The following LAMA2 variants were observed in gnomAD, a reference collection of about 807,000 sequenced individuals.
LAMA2 encodes laminin subunit alpha 2, also known as laminin subunit alpha-2.
Under a neutral mutation model 364.8 loss-of-function variants are expected in LAMA2, and 269 were observed. The ratio of observed to expected loss-of-function variants is 0.74; its 90% CI spans 0.67 to 0.82. LAMA2 has a LOEUF of 0.82. Among genes scored for constraint, LAMA2 ranks in the 40% least tolerant of loss-of-function variants. The probability of loss-of-function intolerance (pLI) is 0.00; values close to 1 mark genes in which losing one functional copy is unlikely to be tolerated. For missense variants in LAMA2, 3,807 were observed against 3,873.2 expected (o/e 0.98, Z 0.45); for synonymous variants, 1,379 against 1,370.6 (o/e 1.01, Z -0.14).
At chr6:129,143,092 C>A (rs1271746583) in intron 4 of LAMA2, among the ~76,000 whole-genome samples, 1 of 151,926 alleles carries the variant, frequency 6.6e-6, no homozygotes, top group Non-Finnish European at 1.5e-5. Context: ...CCTGTGAGAG[C>A]CTGCCAGCCT....
At chr6:128,967,200 G>T (rs941162836) in intron 1 of LAMA2, among the ~76,000 whole-genome samples, 3 of 152,144 alleles carry the variant, frequency 2.0e-5, no homozygotes, top group Non-Finnish European at 4.4e-5. Context: ...GCCCAGCAGG[G>T]TTTGTTCAAC....
intron 13 of LAMA2, among the ~76,000 whole-genome samples, chr6:129,250,881 A>T (rs1176439641): frequency 1.3e-5 from 2 of 152,084 alleles, no homozygotes; most frequent in Admixed American, 6.6e-5. Flanking sequence ...TTAATTTAGC[A>T]CCAGGCTCTG....
At chr6:129,282,287 C>A (rs1353954120) in intron 18 of LAMA2, among the ~76,000 whole-genome samples, 2 of 152,134 alleles carry the variant, frequency 1.3e-5, no homozygotes, top group Admixed American at 6.5e-5. Context: ...TGGCCATAAA[C>A]CCTCTGCTTT....
At chr6:129,246,153 T>C (rs1785738198) in intron 12 of LAMA2, among the ~76,000 whole-genome samples, 1 of 152,198 alleles carries the variant, frequency 6.6e-6, no homozygotes, top group Non-Finnish European at 1.5e-5. Context: ...TTTGGGGTAG[T>C]ATATACCTTC....
At chr6:129,225,505 A>C (rs1784191776) in intron 12 of LAMA2, among the ~76,000 whole-genome samples, 1 of 152,144 alleles carries the variant, frequency 6.6e-6, no homozygotes, top group African/African-American at 2.4e-5. Flanking sequence ...ACTGCTTTAA[A>C]TGTGTCCCAG....
intron 40 of LAMA2, among the ~76,000 whole-genome samples, chr6:129,416,808 C>T (rs770655990): frequency 4.6e-5 from 7 of 152,140 alleles, no homozygotes; most frequent in South Asian, 2.1e-4. Context: ...GGCAGAGTGG[C>T]GAGGGGTGTG....
chr6:129,381,374 G>A (rs113023141), intron 34 of LAMA2, among the ~76,000 whole-genome samples: 3,413 of 151,354 alleles, frequency 0.023, 127 homozygotes, highest in African/African-American at 0.079. Context: ...ACAGAGGCTC[G>A]CTCTGTCGCC....
chr6:129,338,803 A>G (rs1776095692), intron 29 of LAMA2, among the ~76,000 whole-genome samples: 1 of 152,210 alleles, frequency 6.6e-6, no homozygotes, highest in Non-Finnish European at 1.5e-5. Context: ...TGCTAGCCTG[A>G]TATACACTGT....
Position 129,129,522 on chromosome 6 carries a change from G to T in LAMA2, c.640-14379G>T, listed in dbSNP as rs114575850. 8.3e-3 allele frequency among the ~76,000 whole-genome samples: 1,258 copies of T among 152,278 alleles called. 13 individuals carry two copies. The highest frequency in any genetic ancestry group is 0.028 in the African/African-American group (1,184 of 41,548). On this transcript the variant is annotated intron_variant, in intron 4 of 64. Coordinates refer to ENST00000421865, the MANE Select transcript of LAMA2 (RefSeq NM_000426.4). The stretch of plus-strand genomic sequence containing the variant: ...GGGCCATTACATCATTTCTCAAATA[G>T]ACCACTGTTAGGAAGTAGGGATATA...
chr6:129,324,606 T>C (rs2114522931), intron 28 of LAMA2, among the ~76,000 whole-genome samples: 1 of 152,294 alleles, frequency 6.6e-6, no homozygotes, highest in Admixed American at 6.5e-5. Flanking sequence ...AGAGTGTACA[T>C]ACACAAACCT....
chr6:129,230,139 G>A (rs1164675594), intron 12 of LAMA2, among the ~76,000 whole-genome samples: 2 of 152,124 alleles, frequency 1.3e-5, no homozygotes, highest in Non-Finnish European at 2.9e-5. Context: ...TAGAGGTTAG[G>A]AAACTGAGGA....
intron 1 of LAMA2, among the ~76,000 whole-genome samples, chr6:128,936,812 GTTA>G (rs1435660809): frequency 1.3e-5 from 2 of 152,124 alleles, no homozygotes; most frequent in Non-Finnish European, 2.9e-5. Flanking sequence ...ATAAAGTTAG[GTTA>G]TTATTGATTT....
intron 34 of LAMA2, among the ~76,000 whole-genome samples, chr6:129,379,535 G>GGAA (rs1778562774): frequency 6.6e-6 from 1 of 152,102 alleles, no homozygotes; most frequent in African/African-American, 2.4e-5. Context: ...AGCCTAGAGA[G>GGAA]GAAGCTCTTC....
chr6:129,340,929 TA>T (rs1776235376), intron 29 of LAMA2, among the ~76,000 whole-genome samples: 1 of 151,766 alleles, frequency 6.6e-6, no homozygotes, highest in African/African-American at 2.4e-5. Context: ...CACATTGTTA[TA>T]AAATCTGTAA....
intron 2 of LAMA2, among the ~76,000 whole-genome samples, chr6:129,055,176 TTTATTATTA>T (rs1554207591): frequency 1.6e-5 from 2 of 123,770 alleles, no homozygotes; most frequent in South Asian, 2.5e-4. Context: ...ATTATTATTA[TTTATTATTA>T]TTATTATTAT....
Position 129,199,806 on chromosome 6 carries a change from C to T in LAMA2, c.1782+6953C>T, listed in dbSNP as rs148059893. Among the ~76,000 whole-genome samples, 431 of 152,028 alleles carry T rather than the reference C, an allele frequency of 2.8e-3. 1 individual carries two copies. The highest frequency in any genetic ancestry group is 9.4e-3 in the African/African-American group (391 of 41,492). Reference sequence around the variant, plus strand: ...ATCAAAAGAAATTATAGATGGGGTGCGATGGCTCACATATGTAATCCCAGC... The same window carrying T: ...ATCAAAAGAAATTATAGATGGGGTGTGATGGCTCACATATGTAATCCCAGC... On this transcript the variant is annotated intron_variant, in intron 12 of 64. Coordinates refer to ENST00000421865, the MANE Select transcript of LAMA2 (RefSeq NM_000426.4).
At chr6:129,031,794 A>G (rs529373501) in intron 1 of LAMA2, among the ~76,000 whole-genome samples, 1 of 151,490 alleles carries the variant, frequency 6.6e-6, no homozygotes, top group African/African-American at 2.4e-5. Flanking sequence ...CACACAATTT[A>G]TGTACTAAAT....
intron 48 of LAMA2, among the ~76,000 whole-genome samples, chr6:129,456,796 A>G (rs1782989124): frequency 6.6e-6 from 1 of 152,268 alleles, no homozygotes; most frequent in South Asian, 2.1e-4. Context: ...TTTTTTAAGT[A>G]TACCTCATCT....
chr6:129,378,434 G>C (rs1374287976), intron 34 of LAMA2, among the ~76,000 whole-genome samples: 7 of 152,172 alleles, frequency 4.6e-5, no homozygotes, highest in Non-Finnish European at 4.4e-5. Flanking sequence ...ATTTGTCATA[G>C]GCTTCTTTAT....
Sources: gnomAD v4.1 joint callset for allele counts (sites outside exome capture counted in the v4.1 genomes callset) on GRCh38, gnomAD v4.1.1 for gene constraint, MANE v1.5 for transcripts, NCBI Gene and HGNC (gene_info 2026-07-23, HGNC 2026-07-21) for gene names.